The following PCDHA2 variants were observed in gnomAD, a reference collection of about 807,000 sequenced individuals.
The protein encoded by PCDHA2 is protocadherin alpha 2.
A neutral mutation model predicts 66.0 loss-of-function variants in PCDHA2; 58 were observed. The observed-to-expected ratio is 0.88, with a 90% CI of 0.71 to 1.09. The LOEUF (loss-of-function observed/expected upper bound fraction) is 1.09. Ranked by LOEUF, PCDHA2 falls within the 50% of genes least tolerant of loss-of-function variation. The pLI, the probability that PCDHA2 is intolerant of heterozygous loss-of-function variation, is 0.00. For synonymous variants in PCDHA2, 634 were observed against 554.0 expected, an observed-to-expected ratio of 1.14 and a Z score of -2.03; for missense variants, 1,267 against 1,242.3, an observed-to-expected ratio of 1.02 and a Z score of -0.30.
chr5:140,871,973 T>C (rs2053419799), intron 1 of PCDHA2, among the ~76,000 whole-genome samples: 1 of 152,254 alleles, frequency 6.6e-6, no homozygotes, highest in African/African-American at 2.4e-5. Context: ...CTTCCTATGA[T>C]GTCCAGGTTG....
At chr5:140,882,511 T>C (rs782672669) in intron 1 of PCDHA2, 2 of 1,614,128 alleles carry the variant, frequency 1.2e-6, no homozygotes, top group Admixed American at 3.3e-5. Flanking sequence ...ATCTGCAGAA[T>C]GGCATTTTGT....
At chr5:141,009,285 T>C (rs1554262099) in intron 3 of PCDHA2, among the ~76,000 whole-genome samples, 1 of 152,106 alleles carries the variant, frequency 6.6e-6, no homozygotes, top group African/African-American at 2.4e-5. Context: ...TGAGATCCCA[T>C]TTCTATAAAA....
chr5:140,842,034 A>G, intron 1 of PCDHA2: 1 of 1,613,854 alleles, frequency 6.2e-7, no homozygotes, highest in Non-Finnish European at 8.5e-7. Context: ...GTGAATGATA[A>G]TGCTCCCACT....
At chr5:140,887,284 G>T (rs1374515637) in intron 1 of PCDHA2, among the ~76,000 whole-genome samples, 1 of 152,044 alleles carries the variant, frequency 6.6e-6, no homozygotes, top group Non-Finnish European at 1.5e-5. Context: ...TTTTAGTAGA[G>T]ATGGGGTTTC....
Position 140,978,973 on chromosome 5 carries a change from C to T in PCDHA2, c.2413C>T (p.Arg805Cys), listed in dbSNP as rs141879545. Residue 805 changes from arginine (R) to cysteine (C), a missense_variant, in exon 2 of 4, where the codon CGT becomes TGT. Transcript: ENST00000526136. ...GCCACGACAGCCCAACCCTGACTGG[C>T]GTTACTCTGCCTCCCTGAGAGCAGG... is the stretch of plus-strand genomic sequence containing the variant. ...GKPRQPNPDW[R>C]YSASLRAGMH... 1.5e-5 allele frequency: 24 copies of T among 1,614,060 alleles called. No individual in the cohort carries two copies. Among genetic ancestry groups the T allele is most frequent in the Middle Eastern group, 3.3e-4 (2 of 6,084 alleles).
chr5:140,877,558 A>T, intron 1 of PCDHA2: 1 of 1,613,746 alleles, frequency 6.2e-7, no homozygotes, highest in Non-Finnish European at 8.5e-7. Flanking sequence ...TCTGGTGGAT[A>T]TTAACGTGTA....
intron 1 of PCDHA2, chr5:140,828,557 G>A (rs2150156689): frequency 6.2e-7 from 1 of 1,614,210 alleles, no homozygotes; most frequent in South Asian, 1.1e-5. Context: ...TCCACTGGAG[G>A]GCGCGTCCGA....
chr5:140,797,056 G>T lies in PCDHA2; in HGVS notation c.2092G>T (p.Val698Leu), dbSNP rs151049201. ...AGAGGCTACGCTGGTGGATGTCAAC[G>T]TGTACCTGATCATCGCCATCTGCGC... ...GSEATLVDVN[V>L]YLIIAICAVS... The change falls in exon 1 of 4, where the codon GTG becomes TTG. Residue 698 changes from valine (V) to leucine (L), a missense_variant. By Grantham distance (32) the Val-to-Leu change is conservative (BLOSUM62 1). Coordinates refer to ENST00000526136, the MANE Select transcript of PCDHA2 (RefSeq NM_018905.3). 6.2e-7 allele frequency: 1 copy of T among 1,613,760 alleles called. No individual in the cohort carries two copies. Among genetic ancestry groups the T allele is most frequent in the Non-Finnish European group, 8.5e-7 (1 of 1,179,960 alleles).
intron 1 of PCDHA2, among the ~76,000 whole-genome samples, chr5:140,826,711 G>A (rs1554130645): frequency 6.6e-6 from 1 of 152,172 alleles, no homozygotes; most frequent in African/African-American, 2.4e-5. Flanking sequence ...GTGGTATTGA[G>A]AAAGAGGAAG....
intron 1 of PCDHA2, among the ~76,000 whole-genome samples, chr5:140,887,774 C>G (rs2061572628): frequency 6.6e-6 from 1 of 152,168 alleles, no homozygotes; most frequent in Non-Finnish European, 1.5e-5. Context: ...TACAATGACA[C>G]AGGTCATTGA....
intron 1 of PCDHA2, chr5:140,969,231 C>A (rs782084659): frequency 6.2e-7 from 1 of 1,614,110 alleles, no homozygotes; most frequent in Non-Finnish European, 8.5e-7. Context: ...CCTTCGGGAG[C>A]CCAAGCAGCA....
intron 1 of PCDHA2, chr5:140,823,360 C>G (rs2150124994): frequency 1.2e-6 from 2 of 1,612,688 alleles, no homozygotes; most frequent in Non-Finnish European, 8.5e-7. Context: ...GGAAGTGGAG[C>G]TGCTGCAGTT....
In PCDHA2 at chr5:140,842,895, A is replaced by G; in HGVS notation, c.2388+45543A>G. On this transcript the variant is annotated intron_variant, in intron 1 of 3. Coordinates refer to ENST00000526136, the MANE Select transcript of PCDHA2 (RefSeq NM_018905.3). ...GTGTACGCGCTGCAGCCGCTGGACC[A>G]CGAGGAGCTAGAGCTGCTGCAGTTC... 8 of 1,594,156 alleles carry G rather than the reference A, an allele frequency of 5.0e-6. 1 individual carries two copies. Among genetic ancestry groups the G allele is most frequent in the Non-Finnish European group, 6.9e-6 (8 of 1,165,410 alleles).
chr5:140,803,615 T>C (rs1763249108), intron 1 of PCDHA2: 1 of 1,613,992 alleles, frequency 6.2e-7, no homozygotes, highest in Non-Finnish European at 8.5e-7. Context: ...ATTTATTCTT[T>C]CCAAAATGTC....
At chr5:140,822,095 T>C in intron 1 of PCDHA2, 3 of 1,614,022 alleles carry the variant, frequency 1.9e-6, no homozygotes, top group Non-Finnish European at 2.5e-6. Flanking sequence ...CACCTGGAGG[T>C]GATCGTGGAC....
intron 1 of PCDHA2, chr5:140,814,277 T>C (rs1218158800): frequency 1.3e-5 from 2 of 152,348 alleles, no homozygotes; most frequent in African/African-American, 2.4e-5. Context: ...CCTAGGACTG[T>C]ATTGGGTCAG....
chr5:140,925,402 T>C (rs1379767028), intron 1 of PCDHA2, among the ~76,000 whole-genome samples: 1 of 152,110 alleles, frequency 6.6e-6, no homozygotes, highest in Non-Finnish European at 1.5e-5. Context: ...CTCGCCTCCT[T>C]CTTAGGGAAA....
intron 1 of PCDHA2, among the ~76,000 whole-genome samples, chr5:140,881,114 T>A (rs2058590741): frequency 6.6e-6 from 1 of 152,204 alleles, no homozygotes; most frequent in Admixed American, 6.5e-5. Context: ...GGCCTGGGAT[T>A]TTGTGGCTTG....
chr5:140,861,502 T>A, intron 1 of PCDHA2: 1 of 482,002 alleles, frequency 2.1e-6, no homozygotes. Context: ...CTGATAGACC[T>A]CGAGGAGCTG....
Sources: gnomAD v4.1 joint callset for allele counts (sites outside exome capture counted in the v4.1 genomes callset) on GRCh38, gnomAD v4.1.1 for gene constraint, MANE v1.5 for transcripts, NCBI Gene and HGNC (gene_info 2026-07-23, HGNC 2026-07-21) for gene names.